Variants in HOOK3 observed in about 807,000 individuals in gnomAD.
The protein encoded by HOOK3 is protein Hook homolog 3.
HOOK3 carries 24 observed loss-of-function variants against 116.3 expected under a neutral mutation model. The ratio of observed to expected loss-of-function variants is 0.21; its 90% CI spans 0.15 to 0.29. The LOEUF (loss-of-function observed/expected upper bound fraction) is 0.29. HOOK3 is among the 10% of genes least tolerant of loss of function. HOOK3 has a pLI of 1.00. For synonymous variants in HOOK3, 275 were observed against 283.0 expected, an observed-to-expected ratio of 0.97 and a Z score of 0.28; for missense variants, 632 against 830.2, an observed-to-expected ratio of 0.76 and a Z score of 2.93.
chr8:42,938,506 C>T (rs567759578), intron 4 of HOOK3, among the ~76,000 whole-genome samples: 2 of 152,120 alleles, frequency 1.3e-5, no homozygotes, highest in African/African-American at 2.4e-5. Context: ...TTTACAATTT[C>T]GTATGTTTTT....
intron 17 of HOOK3, among the ~76,000 whole-genome samples, chr8:43,003,314 C>T (rs1185817893): frequency 3.3e-5 from 5 of 152,172 alleles, no homozygotes; most frequent in South Asian, 2.1e-4. Flanking sequence ...ACAAGATACT[C>T]CTGGCGACAG....
intron 15 of HOOK3, among the ~76,000 whole-genome samples, chr8:42,987,529 C>G (rs894372127): frequency 6.6e-6 from 1 of 152,136 alleles, no homozygotes; most frequent in Non-Finnish European, 1.5e-5. Context: ...GCAGTAGCTC[C>G]CTCGTAATTG....
chr8:42,955,934 G>T (rs2130405538), intron 6 of HOOK3, among the ~76,000 whole-genome samples: 1 of 152,170 alleles, frequency 6.6e-6, no homozygotes, highest in African/African-American at 2.4e-5. Context: ...CTATTCCCAG[G>T]TGTGATCACA....
At position 43,028,556 on chromosome 8, in the gene HOOK3, A is replaced by C. The variant is rs1026585001; in HGVS notation, c.*10058A>C. The C allele has an allele frequency of 1.1e-5, 2 of 188,316 alleles. No homozygotes were observed. The highest frequency in any genetic ancestry group is 4.7e-5 in the African/African-American group (2 of 42,828). 11.7% of individuals were successfully genotyped at this position (188,316 alleles called of 1,614,324 possible). On this transcript the variant is annotated 3_prime_UTR_variant, in exon 22 of 22. Transcript: ENST00000307602. ...CCCTGAAAGTCCACCTCAAAGGTAC[A>C]TCAAGATGCAAACAATTTTTTTATC...
At chr8:42,988,524 A>T (rs1809090895) in intron 15 of HOOK3, among the ~76,000 whole-genome samples, 1 of 152,204 alleles carries the variant, frequency 6.6e-6, no homozygotes, top group Non-Finnish European at 1.5e-5. Context: ...ATCACCACCC[A>T]AGTTCCTGTG....
chr8:42,928,170 T>C (rs1807804961), intron 3 of HOOK3, among the ~76,000 whole-genome samples: 1 of 151,890 alleles, frequency 6.6e-6, no homozygotes, highest in Non-Finnish European at 1.5e-5. Flanking sequence ...TCCCAGCTAC[T>C]CGGGAGGCTG....
intron 13 of HOOK3, among the ~76,000 whole-genome samples, chr8:42,977,370 G>A (rs753556714): frequency 4.6e-5 from 7 of 152,138 alleles, no homozygotes; most frequent in Non-Finnish European, 7.3e-5. Flanking sequence ...ACAGAAGGGT[G>A]TGAGAGTAGT....
At chr8:42,899,729 A>G (rs185884701) in intron 1 of HOOK3, among the ~76,000 whole-genome samples, 225 of 152,356 alleles carry the variant, frequency 1.5e-3, no homozygotes, top group African/African-American at 5.2e-3. Flanking sequence ...GCTCTCACAC[A>G]GTAAGCTAGA....
chr8:42,959,578 G>C (rs1462518006), intron 8 of HOOK3, among the ~76,000 whole-genome samples: 1 of 151,876 alleles, frequency 6.6e-6, no homozygotes, highest in East Asian at 1.9e-4. Flanking sequence ...AATTAGCCGG[G>C]TGTGATGGCG....
At position 42,899,498 on chromosome 8, in the gene HOOK3, CATT is replaced by C. The variant is rs546638002; in HGVS notation, c.57+2313_57+2315del. Among the ~76,000 whole-genome samples, 15 of 152,274 alleles carry C rather than the reference CATT, an allele frequency of 9.9e-5. No individual in the cohort carries two copies. The East Asian group carries it at 2.5e-3, about 25-fold the overall frequency. ...GCTGGGTTTGTTCTCTTTTAGCTGT[CATT>C]ATAAAAAGCAGAATAAATGTTTCAA... On this transcript the variant is annotated intron_variant, in intron 1 of 21. Coordinates refer to ENST00000307602, the MANE Select transcript of HOOK3 (RefSeq NM_032410.4).
chr8:42,945,059 C>T (rs1808200949), intron 5 of HOOK3, among the ~76,000 whole-genome samples: 1 of 152,088 alleles, frequency 6.6e-6, no homozygotes. Flanking sequence ...TGAATTTCAA[C>T]TCGTTTCCAC....
At chr8:42,938,990 C>T (rs961415796) in intron 4 of HOOK3, among the ~76,000 whole-genome samples, 4 of 152,124 alleles carry the variant, frequency 2.6e-5, no homozygotes, top group African/African-American at 9.7e-5. Flanking sequence ...CCATTTAACC[C>T]TGAGTGGATA....
chr8:42,920,672 G>A (rs1034527279), intron 2 of HOOK3, among the ~76,000 whole-genome samples: 1 of 152,206 alleles, frequency 6.6e-6, no homozygotes, highest in Non-Finnish European at 1.5e-5. Context: ...TTAGTGTTTT[G>A]CTAGAACTGG....
chr8:42,986,791 A>G lies in HOOK3; in HGVS notation c.1528A>G (p.Asn510Asp). The change falls in exon 15 of 22, where the codon AAT (asparagine) becomes GAT (aspartate). Residue 510 changes from asparagine to aspartate, a missense_variant. Physicochemically the swap from Asn to Asp is conservative, Grantham distance 23. Coordinates refer to ENST00000307602, the MANE Select transcript of HOOK3 (RefSeq NM_032410.4). ...NLRKNELETE[N>D]RLVNQRLLEV... The stretch of plus-strand genomic sequence containing the variant: ...ACGCAAGAATGAACTGGAGACAGAG[A>G]ATAGGTAGAGTATTATAGGTGGCCG... 9.9e-6 allele frequency: 16 copies of G among 1,613,370 alleles called. No individual in the cohort carries two copies. Among genetic ancestry groups the G allele is most frequent in the Non-Finnish European group, 1.4e-5 (16 of 1,179,732 alleles).
chr8:42,949,834 G>A (rs547851306), intron 5 of HOOK3, among the ~76,000 whole-genome samples: 2 of 151,882 alleles, frequency 1.3e-5, no homozygotes, highest in South Asian at 2.1e-4. Flanking sequence ...GGAGAGTGGC[G>A]TGAACCTGGG....
At chr8:42,974,076 G>A in intron 12 of HOOK3, 31 bp from the exon 13 acceptor site, 2 of 1,517,452 alleles carry the variant, frequency 1.3e-6, no homozygotes, top group Non-Finnish European at 1.8e-6. Flanking sequence ...AAAACGTGAA[G>A]CTAACCCTCC....
intron 2 of HOOK3, among the ~76,000 whole-genome samples, chr8:42,910,708 T>G (rs982402223): frequency 3.3e-5 from 5 of 152,260 alleles, no homozygotes; most frequent in African/African-American, 1.2e-4. Flanking sequence ...ACATTGATTC[T>G]TTCTTTGTCA....
intron 6 of HOOK3, among the ~76,000 whole-genome samples, chr8:42,952,002 G>T (rs866272258): frequency 3.9e-5 from 6 of 152,118 alleles, no homozygotes; most frequent in Middle Eastern, 3.4e-3. Context: ...AAATTAAGAT[G>T]AAATTGTGCT....
At chr8:42,957,826 CTT>C (rs11383704) in intron 7 of HOOK3, among the ~76,000 whole-genome samples, 35 of 135,204 alleles carry the variant, frequency 2.6e-4, no homozygotes, top group Admixed American at 5.3e-4. Flanking sequence ...ATATCTCTTC[CTT>C]TTTTTTTTTT....
Sources: allele counts gnomAD v4.1 joint callset (sites outside exome capture counted in the v4.1 genomes callset), GRCh38; gene constraint gnomAD v4.1.1; transcripts MANE v1.5; gene names NCBI Gene and HGNC (gene_info 2026-07-23, HGNC 2026-07-21).